GNPTAB: variants seen among roughly 807,000 people sequenced by gnomAD.
The protein encoded by GNPTAB is N-acetylglucosamine-1-phosphotransferase subunits alpha/beta.
Under a neutral mutation model 136.6 loss-of-function variants are expected in GNPTAB, and 92 were observed. The observed-to-expected ratio is 0.67, with a 90% CI of 0.57 to 0.80. The LOEUF (loss-of-function observed/expected upper bound fraction) is 0.80. Among genes scored for constraint, GNPTAB ranks in the 30% least tolerant of loss-of-function variants. The pLI is 0.00. For synonymous variants in GNPTAB, 512 were observed against 535.1 expected (o/e 0.96, Z 0.60); for missense variants, 1,343 against 1,501.8 (o/e 0.89, Z 1.75).
At chr12:101,783,678 T>C (rs1258289902) in intron 5 of GNPTAB, among the ~76,000 whole-genome samples, 1 of 152,144 alleles carries the variant, frequency 6.6e-6, no homozygotes, top group Admixed American at 6.6e-5. Context: ...GGCAGACATT[T>C]ATACTTGGAA....
At chr12:101,824,243 A>G (rs960497496) in intron 1 of GNPTAB, among the ~76,000 whole-genome samples, 1 of 151,684 alleles carries the variant, frequency 6.6e-6, no homozygotes, top group Non-Finnish European at 1.5e-5. Context: ...GAACTGGTAG[A>G]ACAGAAGGTG....
At chr12:101,791,044 C>G (rs1040474301) in intron 2 of GNPTAB, among the ~76,000 whole-genome samples, 2 of 152,174 alleles carry the variant, frequency 1.3e-5, no homozygotes, top group African/African-American at 4.8e-5. Context: ...AGAAGAGTGC[C>G]TGGCACACAG....
chr12:101,819,406 C>T (rs939071612), intron 1 of GNPTAB, among the ~76,000 whole-genome samples: 2 of 152,258 alleles, frequency 1.3e-5, no homozygotes, highest in Admixed American at 1.3e-4. Context: ...TGAACACCTC[C>T]ATAAGCCTGT....
At chr12:101,800,249 A>G (rs1869535663) in intron 1 of GNPTAB, among the ~76,000 whole-genome samples, 1 of 151,464 alleles carries the variant, frequency 6.6e-6, no homozygotes, top group Admixed American at 6.6e-5. Flanking sequence ...CTTTGGGAGG[A>G]TGAATTGGGA....
chr12:101,771,097 G>A lies in GNPTAB; in HGVS notation c.832C>T (p.Gln278Ter), dbSNP rs35878526. ...TTCTTAGTTTGCTTATTCAATTCTT[G>A]AAAATCCTTGGGGTTATTCAGTTTT... is the stretch of plus-strand genomic sequence containing the variant. Reference protein sequence around the residue: ...LLKLNNPKDFQELNKQTKKNM... With the variant: ...LLKLNNPKDF The change falls in exon 8 of 21, where the codon CAA becomes TAA. Residue 278 changes from glutamine (Q) to a stop codon, truncating the protein, a stop_gained. Transcript: ENST00000299314. LOFTEE classifies it high-confidence loss of function. 6 of 1,613,618 alleles carry A rather than the reference G, an allele frequency of 3.7e-6. No individual in the cohort carries two copies. In the African/African-American group the frequency reaches 6.7e-5, roughly 18 times the overall value.
intron 11 of GNPTAB, among the ~76,000 whole-genome samples, chr12:101,767,518 TAAG>T (rs1953111943): frequency 6.6e-6 from 1 of 152,212 alleles, no homozygotes; most frequent in African/African-American, 2.4e-5. Context: ...ATATTTTAAA[TAAG>T]AAGACATTTT....
At chr12:101,780,670 C>T (rs369238597) in intron 5 of GNPTAB, 49 bp from the exon 6 acceptor site, 6 of 1,153,414 alleles carry the variant, frequency 5.2e-6, no homozygotes, top group South Asian at 4.9e-5. Context: ...GAATACTCAA[C>T]TATGGTGTCT....
At chr12:101,807,845 C>G (rs1048235456) in intron 1 of GNPTAB, among the ~76,000 whole-genome samples, 2 of 152,006 alleles carry the variant, frequency 1.3e-5, no homozygotes, top group African/African-American at 4.8e-5. Context: ...CACAATAGCA[C>G]CACTGTACTC....
chr12:101,753,337 C>T (rs1313974477), intron 19 of GNPTAB, 35 bp downstream of exon 19: 2 of 1,496,640 alleles, frequency 1.3e-6, no homozygotes, highest in Non-Finnish European at 1.9e-6. Flanking sequence ...ATACACTCAC[C>T]CACACACATG....
At chr12:101,795,625 T>C (rs1566090023) in intron 2 of GNPTAB, among the ~76,000 whole-genome samples, 1 of 151,800 alleles carries the variant, frequency 6.6e-6, no homozygotes, top group African/African-American at 2.4e-5. Flanking sequence ...TGGTGGTGCA[T>C]GCCTGTAATC....
chr12:101,748,573 C>T (rs1480181422), intron 20 of GNPTAB, among the ~76,000 whole-genome samples: 1 of 152,126 alleles, frequency 6.6e-6, no homozygotes, highest in Non-Finnish European at 1.5e-5. Flanking sequence ...TACATGCATG[C>T]AGAGGAAAGC....
rs774790937 is a variant in GNPTAB, at chr12:101,766,057, G to A, written c.1612+34C>T. The A allele has an allele frequency of 1.3e-5, 20 of 1,567,164 alleles. No individual in the cohort carries two copies. The South Asian group carries it at 2.2e-4, about 17-fold the overall frequency. ...TCTCTACCTGTCAAGGATGTTTTATGCTCCCATTCTTATTTGTTTGGCAGT... is the reference window on the plus strand; with the variant it reads ...TCTCTACCTGTCAAGGATGTTTTATACTCCCATTCTTATTTGTTTGGCAGT... On this transcript the variant is annotated intron_variant, in intron 12 of 20. Transcript: ENST00000299314.
At chr12:101,821,815 C>T (rs1870816797) in intron 1 of GNPTAB, among the ~76,000 whole-genome samples, 1 of 152,252 alleles carries the variant, frequency 6.6e-6, no homozygotes, top group South Asian at 2.1e-4. Flanking sequence ...TGGCTAATTG[C>T]TCTGAGGACA....
chr12:101,758,037 AT>A (rs565284497), intron 16 of GNPTAB, among the ~76,000 whole-genome samples: 35,867 of 126,036 alleles, frequency 0.28, 4,497 homozygotes, highest in African/African-American at 0.49. Context: ...TCATAGTCTC[AT>A]TTTTTTTTTT....
intron 5 of GNPTAB, among the ~76,000 whole-genome samples, chr12:101,782,048 C>G (rs1868375449): frequency 6.6e-6 from 1 of 152,202 alleles, no homozygotes; most frequent in Non-Finnish European, 1.5e-5. Context: ...TAGGTCCGGT[C>G]TTGCTGAACC....
chr12:101,804,570 T>C (rs771497967), intron 1 of GNPTAB, among the ~76,000 whole-genome samples: 18 of 152,204 alleles, frequency 1.2e-4, no homozygotes, highest in Non-Finnish European at 2.4e-4. Flanking sequence ...ACCTGCACTG[T>C]CCAATATGGT....
At chr12:101,798,032 C>G (rs1467354615) in intron 1 of GNPTAB, among the ~76,000 whole-genome samples, 1 of 152,156 alleles carries the variant, frequency 6.6e-6, no homozygotes, top group Non-Finnish European at 1.5e-5. Flanking sequence ...CCCACATTTT[C>G]TGTCCCTTTC....
intron 18 of GNPTAB, among the ~76,000 whole-genome samples, chr12:101,754,030 T>G (rs910856136): frequency 2.2e-4 from 34 of 152,082 alleles, no homozygotes; most frequent in African/African-American, 8.2e-4. Context: ...GTGCCTGTGG[T>G]CCCAGCTCTT....
Position 101,819,509 on chromosome 12 carries a change from A to G in GNPTAB, c.117+11050T>C, listed in dbSNP as rs10860792. 0.023 allele frequency among the ~76,000 whole-genome samples: 3,454 copies of G among 151,770 alleles called. 341 individuals carry two copies. The East Asian group carries it at 0.31, about 14-fold the overall frequency. ...ATGAAGTGAGAAAATGAAGGGGGGG[A>G]AAAAGGTTTATCAAAGGAAAAAGAA... is the stretch of plus-strand genomic sequence containing the variant. On this transcript the variant is annotated intron_variant, in intron 1 of 20. Coordinates refer to ENST00000299314, the MANE Select transcript of GNPTAB (RefSeq NM_024312.5).
Sources: allele counts gnomAD v4.1 joint callset (sites outside exome capture counted in the v4.1 genomes callset), GRCh38; gene constraint gnomAD v4.1.1; transcripts MANE v1.5; gene names NCBI Gene and HGNC (gene_info 2026-07-23, HGNC 2026-07-21).